Variants in PKHD1 observed in about 807,000 individuals in gnomAD.
PKHD1 encodes fibrocystin.
Under a neutral mutation model 412.0 loss-of-function variants are expected in PKHD1, and 291 were observed. The ratio of observed to expected loss-of-function variants is 0.71; its 90% CI spans 0.64 to 0.78. PKHD1 has a LOEUF of 0.78. Ranked by LOEUF, PKHD1 falls within the 30% of genes least tolerant of loss-of-function variation. The pLI is 0.00. For missense variants in PKHD1, 4,825 were observed against 4,950.7 expected, an observed-to-expected ratio of 0.97 and a Z score of 0.76; for synonymous variants, 1,777 against 1,821.5, an observed-to-expected ratio of 0.98 and a Z score of 0.62.
At chr6:51,660,157 T>C (rs1387442832) in intron 60 of PKHD1, among the ~76,000 whole-genome samples, 188 bp from the exon 61 acceptor site, 1 of 152,154 alleles carries the variant, frequency 6.6e-6, no homozygotes, top group East Asian at 1.9e-4. Flanking sequence ...AATAGTTCTT[T>C]AATATATTTT....
At chr6:51,734,018 ATGTATTCC>A (rs1248251112) in intron 60 of PKHD1, among the ~76,000 whole-genome samples, 5 of 152,230 alleles carry the variant, frequency 3.3e-5, no homozygotes, top group Non-Finnish European at 7.3e-5. Context: ...TCCAAGTAGC[ATGTATTCC>A]TGTAGACTAA....
intron 60 of PKHD1, among the ~76,000 whole-genome samples, chr6:51,722,932 C>A (rs563402012): frequency 6.6e-6 from 1 of 152,160 alleles, no homozygotes; most frequent in Non-Finnish European, 1.5e-5. Context: ...TAGGCCTGCT[C>A]TGAACAATAA....
At chr6:52,014,700 AGATG>A (rs55925667) in intron 34 of PKHD1, among the ~76,000 whole-genome samples, 7,391 of 79,810 alleles carry the variant, frequency 0.093, 388 homozygotes, top group African/African-American at 0.16. Context: ...TATACTGGAT[AGATG>A]GATGGATGGA....
rs530455345 is a variant in PKHD1, at chr6:51,841,999, T to C, written c.8108-5530A>G. ...CATCTTTTCTGACCCATCTTTGTGA[T>C]GAGACAGACCTGAGTTCTTCTAGGC... is the stretch of plus-strand genomic sequence containing the variant. On this transcript the variant is annotated intron_variant, in intron 50 of 66. Coordinates refer to ENST00000371117, the MANE Select transcript of PKHD1 (RefSeq NM_138694.4). Among the ~76,000 whole-genome samples the C allele has an allele frequency of 2.0e-5, 3 of 152,354 alleles. 1 individual carries two copies. The highest frequency in any genetic ancestry group is 4.1e-4 in the South Asian group (2 of 4,832).
chr6:51,895,782 G>C (rs1046360834), intron 43 of PKHD1, among the ~76,000 whole-genome samples: 1 of 152,108 alleles, frequency 6.6e-6, no homozygotes, highest in Non-Finnish European at 1.5e-5. Context: ...GGGAGTGCCA[G>C]ACAGTGGGCG....
At chr6:51,889,831 T>C (rs1027697933) in intron 43 of PKHD1, among the ~76,000 whole-genome samples, 9 of 152,232 alleles carry the variant, frequency 5.9e-5, no homozygotes, top group African/African-American at 2.2e-4. Flanking sequence ...AACCACTTCC[T>C]GGTGAAGTTT....
chr6:51,922,607 T>C (rs1583388754), intron 37 of PKHD1, among the ~76,000 whole-genome samples: 1 of 152,138 alleles, frequency 6.6e-6, no homozygotes, highest in Non-Finnish European at 1.5e-5. Flanking sequence ...TCAGTTCGAG[T>C]TTCCTGGCCA....
intron 61 of PKHD1, among the ~76,000 whole-genome samples, chr6:51,655,811 A>G (rs184071061): frequency 1.3e-5 from 2 of 152,230 alleles, no homozygotes; most frequent in East Asian, 3.9e-4. Flanking sequence ...CCAGTCAGAA[A>G]GGCAATTATT....
intron 7 of PKHD1, 129 bp from the exon 8 acceptor site, chr6:52,072,318 C>T: frequency 2.8e-6 from 2 of 713,220 alleles, no homozygotes; most frequent in Admixed American, 2.0e-5. Context: ...TGCACTATTG[C>T]AGGTGGCTGA....
At chr6:52,073,638 G>T (rs1467581617) in intron 6 of PKHD1, 97 bp from the exon 7 acceptor site, 1 of 769,422 alleles carries the variant, frequency 1.3e-6, no homozygotes. Context: ...TACTCAATAT[G>T]GCAAAGCAGG....
Position 51,868,031 on chromosome 6 carries a change from G to A in PKHD1, c.7565C>T (p.Ala2522Val), listed in dbSNP as rs754271959. The change falls in exon 48 of 67, where the codon GCA becomes GTA. Residue 2522 changes from alanine to valine, a missense_variant. Physicochemically the swap from Ala to Val is moderately conservative, Grantham distance 64 (BLOSUM62 0). Transcript: ENST00000371117. ...AGACCCATCCAAGTCTTCCAAAATT[G>A]CTGCATGAGGAAATGGAAATGCCAC... ...NLVAFPFPHA[A>V]ILEDLDGSLS... 6.8e-6 allele frequency: 11 copies of A among 1,611,804 alleles called. No homozygotes were observed. Among genetic ancestry groups the A allele is most frequent in the Admixed American group, 1.7e-5 (1 of 59,940 alleles).
rs1766225899 is a variant in PKHD1 at position 51,618,252 on chromosome 6, T to A, written c.*829A>T. The A allele has an allele frequency of 6.6e-6, 1 of 152,226 alleles. No homozygotes were observed. Among genetic ancestry groups the A allele is most frequent in the African/African-American group, 2.4e-5 (1 of 41,432 alleles). The allele number at this position is 152,226 out of a possible 1,614,324, so 9.4% of individuals were successfully genotyped here. A position where few individuals can be genotyped will look rare whatever the true frequency, so the allele number is the denominator to read the frequency against. On this transcript the variant is annotated 3_prime_UTR_variant, in exon 67 of 67. Transcript: ENST00000371117. ...AAAAAGCAGCTTTTTGATAAAGGACTTGGCCACTTGGCTTTCTCTGATCTC... is the reference window on the plus strand; with the variant it reads ...AAAAAGCAGCTTTTTGATAAAGGACATGGCCACTTGGCTTTCTCTGATCTC...
rs115338476 is a variant in PKHD1 at position 52,010,335 on chromosome 6, G to A, written c.5725C>T (p.Arg1909Trp). The A allele has an allele frequency of 1.0e-3, 1,611 of 1,613,634 alleles. 11 individuals are homozygous for A. In the African/African-American group the frequency reaches 0.018, roughly 18 times the overall value. ...TGAGTGTTCTGGCCCCAGCGTTTCC[G>A]TATCTCAGTAATCTTGACGGTAATT... ...QPITVKITEI[R>W]KRWGQNTQGN... The change falls in exon 35 of 67, where the codon CGG (arginine) becomes TGG (tryptophan). Residue 1909 changes from arginine (R) to tryptophan (W), a missense_variant. Physicochemically the swap from Arg to Trp is moderately radical, Grantham distance 101 (BLOSUM62 -3). Transcript: ENST00000371117.
At chr6:51,775,178 A>G (rs768645127) in intron 54 of PKHD1, among the ~76,000 whole-genome samples, 1 of 151,894 alleles carries the variant, frequency 6.6e-6, no homozygotes, top group Non-Finnish European at 1.5e-5. Flanking sequence ...AACCAAAAAA[A>G]TGAACATTCT....
chr6:52,024,483 A>G, intron 32 of PKHD1, 91 bp downstream of exon 32: 1 of 1,206,736 alleles, frequency 8.3e-7, no homozygotes, highest in African/African-American at 1.5e-5. Context: ...TCCATCAGGC[A>G]GATTGTGTTA....
chr6:51,689,095 T>C (rs2150612099), intron 60 of PKHD1, among the ~76,000 whole-genome samples: 1 of 152,288 alleles, frequency 6.6e-6, no homozygotes, highest in Middle Eastern at 3.4e-3. Context: ...GCAAAAATCC[T>C]CAATAAAATA....
Position 51,887,154 on chromosome 6 carries a change from T to C in PKHD1, c.7088A>G (p.Asn2363Ser). 2 of 1,610,814 alleles carry C rather than the reference T, an allele frequency of 1.2e-6. No individual in the cohort carries two copies. Among genetic ancestry groups the C allele is most frequent in the Non-Finnish European group, 1.7e-6 (2 of 1,176,946 alleles). Residue 2363 changes from asparagine to serine, a missense_variant, in exon 44 of 67, where the codon AAC (asparagine) becomes AGC (serine). Asn to Ser is a conservative substitution (Grantham distance 46). Coordinates refer to ENST00000371117, the MANE Select transcript of PKHD1 (RefSeq NM_138694.4). ...SQAPLLSFTQ[N>S]IAHSCTRYGL... ...TTACCTGGTACAAGAATGTGCAATGTTCTGAGTGAAGGAAAGAAGCGGAGC... is the reference window on the plus strand; with the variant it reads ...TTACCTGGTACAAGAATGTGCAATGCTCTGAGTGAAGGAAAGAAGCGGAGC...
At chr6:51,870,808 G>A (rs1194555991) in intron 46 of PKHD1, among the ~76,000 whole-genome samples, 169 bp from the exon 47 acceptor site, 2 of 151,490 alleles carry the variant, frequency 1.3e-5, no homozygotes, top group Non-Finnish European at 2.9e-5. Context: ...AATATAGAAA[G>A]AACTCTTAGG....
Position 51,683,533 on chromosome 6 carries a change from G to C in PKHD1, c.10157-23564C>G, listed in dbSNP as rs566539189. On this transcript the variant is annotated intron_variant, in intron 60 of 66. Transcript: ENST00000371117. ...GTACCTTATTTTCAACCATATATAA[G>C]GTTAAAGAACTATAAGCAGCTGTGT... Among the ~76,000 whole-genome samples, 3 of 152,118 alleles carry C rather than the reference G, an allele frequency of 2.0e-5. No homozygotes were observed. In the South Asian group the frequency reaches 6.2e-4, roughly 32 times the overall value.
Sources: allele counts gnomAD v4.1 joint callset (sites outside exome capture counted in the v4.1 genomes callset), GRCh38; gene constraint gnomAD v4.1.1; transcripts MANE v1.5; gene names NCBI Gene and HGNC (gene_info 2026-07-23, HGNC 2026-07-21).